ANOS1: variants seen among roughly 807,000 people sequenced by gnomAD.
ANOS1 encodes anosmin 1, also known as anosmin-1.
A neutral mutation model predicts 59.0 loss-of-function variants in ANOS1; 6 were observed. The observed-to-expected ratio is 0.10, with a 90% CI of 0.06 to 0.20. The LOEUF (loss-of-function observed/expected upper bound fraction) is 0.20, where lower values mean the gene tolerates loss of function less well. Ranked by LOEUF, ANOS1 falls within the 10% of genes least tolerant of loss-of-function variation. The pLI, the probability that ANOS1 is intolerant of heterozygous loss-of-function variation, is 1.00. For synonymous variants in ANOS1, 217 were observed against 223.4 expected (o/e 0.97, Z 0.25); for missense variants, 433 against 542.3 (o/e 0.80, Z 2.00).
chrX:8,567,941 T>G (rs959344751), intron 8 of ANOS1, among the ~76,000 whole-genome samples: 5 of 112,527 alleles, frequency 4.4e-5, no homozygotes, highest in African/African-American at 9.7e-5. Flanking sequence ...GTGCACGTCA[T>G]GTAAACATAA....
chrX:8,547,777 C>T (rs866677782), intron 9 of ANOS1, among the ~76,000 whole-genome samples: 4 of 111,434 alleles, frequency 3.6e-5, no homozygotes, highest in Admixed American at 9.5e-5. Flanking sequence ...GAGTCAGTGG[C>T]GCGGTCTCGG....
At chrX:8,539,841 G>A (rs1014165202) in intron 9 of ANOS1, 83 bp from the exon 10 acceptor site, 86 of 1,160,426 alleles carry the variant, frequency 7.4e-5, no homozygotes, top group Non-Finnish European at 9.9e-5. Flanking sequence ...CTTGAGAGGA[G>A]AAAAGGAGAG....
chrX:8,718,254 T>C (rs1405873856), intron 1 of ANOS1, among the ~76,000 whole-genome samples: 1 of 110,306 alleles, frequency 9.1e-6, no homozygotes, highest in East Asian at 2.9e-4. Flanking sequence ...TGGAGTGCAG[T>C]GGTGCCACTG....
At chrX:8,670,494 G>T (rs1418623807) in intron 2 of ANOS1, among the ~76,000 whole-genome samples, 4 of 110,534 alleles carry the variant, frequency 3.6e-5, no homozygotes, top group Non-Finnish European at 7.6e-5. Flanking sequence ...TTCAGAAAAT[G>T]CCAGTCCTCA....
rs1260042007 is a variant in ANOS1 at position 8,533,036 on chromosome X, G to A, written c.2002C>T (p.Arg668Cys). 4 of 1,146,289 alleles carry A rather than the reference G, an allele frequency of 3.5e-6. No homozygotes were observed. The highest frequency in any genetic ancestry group is 4.4e-5 in the Admixed American group (2 of 45,950). 94.5% of individuals were successfully genotyped at this position (1,146,289 alleles called of 1,213,427 possible). ...GAAGGCTTGTAATGATGTGGATGAC[G>A]ATGCTTAAGATGAGATCCTAAAAAG... ...SSAHRSHLKH[R>C]HPHHYKPSPE... The change falls in exon 14 of 14, where the codon CGT (arginine) becomes TGT (cysteine). Residue 668 changes from arginine to cysteine, a missense_variant. Arg to Cys is a radical substitution (Grantham distance 180). Transcript: ENST00000262648.
chrX:8,642,539 GC>G (rs1460392452), intron 2 of ANOS1, among the ~76,000 whole-genome samples: 2 of 106,677 alleles, frequency 1.9e-5, no homozygotes, highest in South Asian at 3.9e-4. Flanking sequence ...ATGTTATTAG[GC>G]AAAAAAAAAA....
At chrX:8,610,035 A>C (rs1383924840) in intron 3 of ANOS1, among the ~76,000 whole-genome samples, 2 of 50,799 alleles carry the variant, frequency 3.9e-5, no homozygotes, top group African/African-American at 1.5e-4. Context: ...AAAAAAAAAA[A>C]CAACAACCTT....
At chrX:8,542,900 A>C (rs1473942028) in intron 9 of ANOS1, among the ~76,000 whole-genome samples, 1 of 109,258 alleles carries the variant, frequency 9.2e-6, no homozygotes, top group Non-Finnish European at 1.9e-5. Flanking sequence ...CTGCCCTCTG[A>C]ATAAAGACAC....
intron 3 of ANOS1, among the ~76,000 whole-genome samples, chrX:8,606,738 T>C (rs1930950150): frequency 8.9e-6 from 1 of 112,839 alleles, no homozygotes; most frequent in African/African-American, 3.2e-5. Context: ...TGTTTCTACA[T>C]GGTAAATCTG....
chrX:8,723,198 G>A (rs187835685), intron 1 of ANOS1, among the ~76,000 whole-genome samples: 1 of 112,510 alleles, frequency 8.9e-6, no homozygotes, highest in African/African-American at 3.2e-5. Context: ...CAAAAACAAA[G>A]ATAAATAGGT....
chrX:8,677,298 G>A (rs888218220), intron 2 of ANOS1, among the ~76,000 whole-genome samples: 4 of 111,421 alleles, frequency 3.6e-5, no homozygotes, highest in Admixed American at 9.6e-5. Context: ...AATGTCTCTC[G>A]ACATTGCCAG....
At chrX:8,696,858 C>G (rs1451358821) in intron 2 of ANOS1, among the ~76,000 whole-genome samples, 1 of 112,375 alleles carries the variant, frequency 8.9e-6, no homozygotes, top group Non-Finnish European at 1.9e-5. Context: ...GGAAATTGCC[C>G]TTGGTTGAGA....
chrX:8,550,370 C>A (rs1239893155), intron 9 of ANOS1, among the ~76,000 whole-genome samples: 1 of 111,507 alleles, frequency 9.0e-6, no homozygotes, highest in Non-Finnish European at 1.9e-5. Flanking sequence ...CAGTGGCATA[C>A]CATGTTTGTA....
At chrX:8,718,195 C>A (rs112423178) in intron 1 of ANOS1, among the ~76,000 whole-genome samples, 1,963 of 111,593 alleles carry the variant, frequency 0.018, 47 homozygotes, top group African/African-American at 0.062. Flanking sequence ...GTTCTAGTTC[C>A]AAATGACTTT....
intron 2 of ANOS1, among the ~76,000 whole-genome samples, chrX:8,652,205 C>A (rs1275272747): frequency 1.8e-5 from 2 of 111,574 alleles, no homozygotes; most frequent in Non-Finnish European, 3.8e-5. Flanking sequence ...TCAGGCGATC[C>A]TCCCACCTCT....
intron 2 of ANOS1, among the ~76,000 whole-genome samples, chrX:8,681,334 T>C (rs1017880205): frequency 8.9e-6 from 1 of 112,270 alleles, no homozygotes; most frequent in Admixed American, 9.4e-5. Flanking sequence ...TTTCCATTGC[T>C]ATACTAGTGT....
intron 2 of ANOS1, among the ~76,000 whole-genome samples, chrX:8,670,038 T>C (rs915332256): frequency 3.6e-5 from 4 of 111,528 alleles, no homozygotes; most frequent in Non-Finnish European, 7.5e-5. Context: ...ATTTACTATC[T>C]TTTTTATTCA....
intron 3 of ANOS1, among the ~76,000 whole-genome samples, chrX:8,619,070 CAAAAAAA>C (rs1164164251): frequency 2.3e-5 from 1 of 43,974 alleles, no homozygotes; most frequent in African/African-American, 8.4e-5. Context: ...AAACCTCTCT[CAAAAAAA>C]AAAAAAAAAA....
chrX:8,537,749 CGTGTGTGTGTGT>C (rs202035920), intron 10 of ANOS1, among the ~76,000 whole-genome samples: 1,562 of 94,708 alleles, frequency 0.016, 13 homozygotes, highest in Middle Eastern at 0.027. Flanking sequence ...ATGGTTTTTA[CGTGTGTGTGTGT>C]GTGTGTGTGT....
Sources: allele counts gnomAD v4.1 joint callset (sites outside exome capture counted in the v4.1 genomes callset), GRCh38; gene constraint gnomAD v4.1.1; transcripts MANE v1.5; gene names NCBI Gene and HGNC (gene_info 2026-07-23, HGNC 2026-07-21).